Variants in ADGRL2 observed in about 807,000 individuals in gnomAD.
ADGRL2 encodes calcium-independent alpha-latrotoxin receptor 2.
Under a neutral mutation model 157.4 loss-of-function variants are expected in ADGRL2, and 44 were observed. The ratio of observed to expected loss-of-function variants is 0.28; its 90% confidence interval spans 0.22 to 0.36. The LOEUF (loss-of-function observed/expected upper bound fraction) is 0.36. Ranked by LOEUF, ADGRL2 falls within the 10% of genes least tolerant of loss-of-function variation. The probability of loss-of-function intolerance (pLI) is 1.00; values close to 1 mark genes in which losing one functional copy is unlikely to be tolerated. For missense variants in ADGRL2, 1,510 were observed against 1,768.9 expected (o/e 0.85, Z 2.63); for synonymous variants, 585 against 624.7 (o/e 0.94, Z 0.95).
rs72940972 is a variant in ADGRL2, at chr1:81,460,052, G to A, written c.-248+14963G>A. On this transcript the variant is annotated intron_variant, in intron 2 of 24. Transcript: ENST00000370721. ...TAATAAGCAGCCTAAGAGGTGCAAG[G>A]TGATATCTCATTGTGGTTTTGATTT... 4.1e-3 allele frequency among the ~76,000 whole-genome samples: 618 copies of A among 151,970 alleles called. 4 individuals carry two copies. The highest frequency in any genetic ancestry group is 0.014 in the African/African-American group (579 of 41,460).
At chr1:81,951,178 A>T in intron 8 of ADGRL2, 57 bp downstream of exon 8, 1 of 1,175,784 alleles carries the variant, frequency 8.5e-7, no homozygotes, top group Non-Finnish European at 1.3e-6. Flanking sequence ...AACTTCTAAC[A>T]TAAATAATTT....
chr1:81,500,830 A>G (rs1231387123), intron 2 of ADGRL2, among the ~76,000 whole-genome samples: 2 of 152,212 alleles, frequency 1.3e-5, no homozygotes, highest in Non-Finnish European at 2.9e-5. Flanking sequence ...GGTAAATTTT[A>G]TATATATTTT....
intron 3 of ADGRL2, among the ~76,000 whole-genome samples, chr1:81,624,046 G>C (rs2081856431): frequency 6.6e-6 from 1 of 152,136 alleles, no homozygotes; most frequent in South Asian, 2.1e-4. Flanking sequence ...CAATGCAGCA[G>C]TAAGCCCAGG....
intron 2 of ADGRL2, chr1:81,557,659 C>T (rs1056401303): frequency 6.6e-6 from 1 of 152,346 alleles, no homozygotes; most frequent in Admixed American, 6.5e-5. Flanking sequence ...ATAGTCCTGA[C>T]TCACCGGAGA....
intron 1 of ADGRL2, among the ~76,000 whole-genome samples, chr1:81,424,748 A>C (rs1480036629): frequency 6.6e-6 from 1 of 152,168 alleles, no homozygotes. Flanking sequence ...TAATGTTTTT[A>C]TTCTTACCCT....
At chr1:81,563,180 G>A (rs2080483194) in intron 2 of ADGRL2, among the ~76,000 whole-genome samples, 1 of 152,136 alleles carries the variant, frequency 6.6e-6, no homozygotes, top group Non-Finnish European at 1.5e-5. Context: ...TCACCCATAG[G>A]ATTTGAGAAA....
At chr1:81,452,266 A>C (rs951739430) in intron 2 of ADGRL2, among the ~76,000 whole-genome samples, 1 of 152,210 alleles carries the variant, frequency 6.6e-6, no homozygotes, top group Non-Finnish European at 1.5e-5. Context: ...ATTAAAAATA[A>C]TGTTTGATTA....
chr1:81,952,982 A>G lies in ADGRL2; in HGVS notation c.1795-5A>G, dbSNP rs764712284. 1.7e-5 allele frequency: 27 copies of G among 1,610,020 alleles called. 2 individuals are homozygous for G. The South Asian group carries it at 2.9e-4, about 17-fold the overall frequency. ...CTCTGATTTTTCTTTTCTTTTACTT[A>G]AAAGCTCCAAAAACGAGAGAAGACA... is the stretch of plus-strand genomic sequence containing the variant. On this transcript the variant is annotated splice_polypyrimidine_tract_variant and splice_region_variant and intron_variant, in intron 9 of 23. Coordinates refer to ENST00000686636, the MANE Select transcript of ADGRL2 (RefSeq NM_001366006.2).
chr1:81,758,364 C>G (rs2085760286), intron 1 of ADGRL2, among the ~76,000 whole-genome samples: 1 of 152,096 alleles, frequency 6.6e-6, no homozygotes, highest in South Asian at 2.1e-4. Flanking sequence ...GAACTCATTC[C>G]TCACCTCTAC....
At chr1:81,690,274 C>T (rs929062457) in intron 3 of ADGRL2, among the ~76,000 whole-genome samples, 2 of 152,182 alleles carry the variant, frequency 1.3e-5, no homozygotes, top group African/African-American at 4.8e-5. Context: ...GGGCACATCA[C>T]TTGAGGTCAG....
chr1:81,734,191 G>A (rs567927871), intron 1 of ADGRL2, among the ~76,000 whole-genome samples: 5 of 149,876 alleles, frequency 3.3e-5, no homozygotes, highest in Non-Finnish European at 5.9e-5. Context: ...CAGGAGAATC[G>A]CTTAAACCCG....
chr1:81,403,167 C>A (rs1396682055), intron 1 of ADGRL2, among the ~76,000 whole-genome samples: 1 of 151,774 alleles, frequency 6.6e-6, no homozygotes, highest in Admixed American at 6.6e-5. Context: ...ACAATTAATC[C>A]CAGAATAGTA....
intron 1 of ADGRL2, among the ~76,000 whole-genome samples, chr1:81,819,896 C>T (rs573615531): frequency 2.6e-5 from 4 of 152,192 alleles, no homozygotes; most frequent in Admixed American, 6.6e-5. Flanking sequence ...TATCTGTGCC[C>T]TCGAAGATTT....
At position 81,510,091 on chromosome 1, in the gene ADGRL2, T is replaced by C. The variant is rs149705871; in HGVS notation, c.-248+65002T>C. ...TGAATGATGGTAATAAACAGGCTGG[T>C]ACTACCCACTGATTAAAGTGTCATG... On this transcript the variant is annotated intron_variant, in intron 2 of 24. Transcript: ENST00000370721. Among the ~76,000 whole-genome samples, 5 of 152,322 alleles carry C rather than the reference T, an allele frequency of 3.3e-5. No individual in the cohort carries two copies. The East Asian group carries it at 9.6e-4, about 29-fold the overall frequency.
chr1:81,910,613 C>T (rs535234825), intron 3 of ADGRL2, among the ~76,000 whole-genome samples: 1 of 149,944 alleles, frequency 6.7e-6, no homozygotes, highest in African/African-American at 2.4e-5. Flanking sequence ...TACGAGACAC[C>T]TAACTCTTGG....
intron 2 of ADGRL2, among the ~76,000 whole-genome samples, chr1:81,857,079 C>T (rs2093228741): frequency 6.6e-6 from 1 of 151,996 alleles, no homozygotes; most frequent in Non-Finnish European, 1.5e-5. Context: ...ATTCATTGTC[C>T]TGGATAATGT....
chr1:81,460,312 T>G (rs2077900183), intron 2 of ADGRL2, among the ~76,000 whole-genome samples: 1 of 151,832 alleles, frequency 6.6e-6, no homozygotes, highest in Non-Finnish European at 1.5e-5. Flanking sequence ...GGTTGATATC[T>G]CCAGAATATT....
upstream of ADGRL2, among the ~76,000 whole-genome samples, chr1:81,695,972 A>G (rs1470200096): frequency 2.6e-5 from 4 of 152,044 alleles, no homozygotes; most frequent in African/African-American, 4.8e-5. Context: ...AGACTGACAA[A>G]TTGTTTGTAA....
intron 9 of ADGRL2, 45 bp from the exon 10 acceptor site, chr1:81,952,942 A>G (rs1276900613): frequency 1.4e-6 from 2 of 1,456,486 alleles, no homozygotes; most frequent in Non-Finnish European, 1.9e-6. Context: ...CATTTTCAGC[A>G]GATAAAAATC....
Sources: allele counts gnomAD v4.1 joint callset (sites outside exome capture counted in the v4.1 genomes callset), GRCh38; gene constraint gnomAD v4.1.1; transcripts MANE v1.5; gene names NCBI Gene and HGNC (gene_info 2026-07-23, HGNC 2026-07-21).